MARCHF5: variants seen among roughly 807,000 people sequenced by gnomAD.
The protein encoded by MARCHF5 is membrane associated ring-CH-type finger 5, also known as E3 ubiquitin-protein ligase MARCHF5.
Under a neutral mutation model 36.5 loss-of-function variants are expected in MARCHF5, and 5 were observed. The observed-to-expected ratio is 0.14, with a 90% CI of 0.07 to 0.29. MARCHF5 has a LOEUF of 0.29. Ranked by LOEUF, MARCHF5 falls within the 10% of genes least tolerant of loss-of-function variation. The pLI is 1.00. For synonymous variants in MARCHF5, 103 were observed against 109.9 expected (o/e 0.94, Z 0.39); for missense variants, 179 against 336.3 (o/e 0.53, Z 3.66).
chr10:92,350,020 G>A (rs1306926672), intron 5 of MARCHF5, 183 bp downstream of exon 5: 6 of 571,460 alleles, frequency 1.0e-5, no homozygotes, highest in African/African-American at 9.5e-5. Flanking sequence ...CACTGCAGCA[G>A]TTCTGGCCTT....
At chr10:92,326,940 C>G (rs1454852039) in intron 2 of MARCHF5, among the ~76,000 whole-genome samples, 2 of 152,070 alleles carry the variant, frequency 1.3e-5, no homozygotes, top group East Asian at 3.9e-4. Context: ...AGTAAGTTTT[C>G]TTACTTGGTT....
At chr10:92,347,523 T>TAGATGATAGATAGATAGATA (rs58664499) in intron 3 of MARCHF5, among the ~76,000 whole-genome samples, 8 of 86,926 alleles carry the variant, frequency 9.2e-5, no homozygotes, top group South Asian at 3.6e-4. Context: ...GATAGATAGA[T>TAGATGATAGATAGATAGATA]GATAGATATA....
intron 2 of MARCHF5, among the ~76,000 whole-genome samples, chr10:92,314,988 TGTC>T (rs1347757237): frequency 1.3e-5 from 2 of 152,236 alleles, no homozygotes; most frequent in East Asian, 3.8e-4. Context: ...AGCCAGCTGT[TGTC>T]TGTAAATGAA....
At chr10:92,314,478 C>G (rs1021221904) in intron 2 of MARCHF5, among the ~76,000 whole-genome samples, 1 of 152,026 alleles carries the variant, frequency 6.6e-6, no homozygotes, top group South Asian at 2.1e-4. Context: ...CTTGTGTCTA[C>G]TAAAAATACA....
At chr10:92,335,069 A>G (rs1206842293) in intron 2 of MARCHF5, among the ~76,000 whole-genome samples, 1 of 152,216 alleles carries the variant, frequency 6.6e-6, no homozygotes, top group East Asian at 1.9e-4. Context: ...TAAAAATTCA[A>G]TAATACCTTT....
Position 92,351,084 on chromosome 10 carries a change from A to G in MARCHF5, c.721-7A>G. The G allele has an allele frequency of 6.5e-7, 1 of 1,528,760 alleles. No individual in the cohort carries two copies. Among genetic ancestry groups the G allele is most frequent in the South Asian group, 1.2e-5 (1 of 86,144 alleles). 94.7% of individuals were successfully genotyped at this position (1,528,760 alleles called of 1,614,324 possible). ...TTATAAAAAGCTAATTTTCCTTTTT[A>G]TTTTAGGGTGGAATTGCGTTTGTTG... On this transcript the variant is annotated splice_polypyrimidine_tract_variant and splice_region_variant and intron_variant, in intron 5 of 5. Transcript: ENST00000358935.
chr10:92,346,035 A>G (rs1471189048), intron 3 of MARCHF5, among the ~76,000 whole-genome samples: 1 of 152,170 alleles, frequency 6.6e-6, no homozygotes, highest in Non-Finnish European at 1.5e-5. Context: ...GACATTCTAT[A>G]TAATTCCTGG....
intron 1 of MARCHF5, among the ~76,000 whole-genome samples, chr10:92,306,882 T>C (rs1266199614): frequency 1.3e-5 from 2 of 152,024 alleles, no homozygotes; most frequent in African/African-American, 4.8e-5. Flanking sequence ...GGCGTGGTGG[T>C]GGATGCCTGT....
intron 2 of MARCHF5, among the ~76,000 whole-genome samples, chr10:92,322,811 C>T (rs1843306858): frequency 6.6e-6 from 1 of 151,382 alleles, no homozygotes; most frequent in Non-Finnish European, 1.5e-5. Flanking sequence ...GATCTCAGCT[C>T]ACTGCAACCT....
In MARCHF5 at chr10:92,311,180, T is replaced by A. The variant is rs777022739; in HGVS notation, c.81T>A (p.Ala27=). Residue 27 remains alanine (A), a synonymous_variant, in exon 2 of 6, where the codon GCT becomes GCA. Coordinates refer to ENST00000358935, the MANE Select transcript of MARCHF5 (RefSeq NM_017824.5). The stretch of plus-strand genomic sequence containing the variant: ...CTACTGATGAAGATGATAGAACAGC[T>A]GAATGGGTGAGACCATGCAGGTGCA... The part of the protein sequence containing the change: ...CFATDEDDRT[A]EWVRPCRCRG... The A allele has an allele frequency of 3.7e-6, 6 of 1,614,126 alleles. No individual in the cohort carries two copies. The highest frequency in any genetic ancestry group is 5.1e-6 in the Non-Finnish European group (6 of 1,180,000).
rs1034559560 is a variant in MARCHF5 at position 92,352,511 on chromosome 10, T to G, written c.*1304T>G. On this transcript the variant is annotated 3_prime_UTR_variant, in exon 6 of 6. Transcript: ENST00000358935. ...TAATGTTCAGCAACCTGAATGGTTA[T>G]TTTTGTTAATTAAAATTAAATTTTT... The G allele has an allele frequency of 6.6e-6, 1 of 152,222 alleles. No individual in the cohort carries two copies. Among genetic ancestry groups the G allele is most frequent in the African/African-American group, 2.4e-5 (1 of 41,458 alleles). 9.4% of individuals were successfully genotyped at this position (152,222 alleles called of 1,614,324 possible).
chr10:92,345,842 A>G (rs112092178), intron 3 of MARCHF5, among the ~76,000 whole-genome samples: 10,905 of 151,414 alleles, frequency 0.072, 1,297 homozygotes, highest in African/African-American at 0.25. Context: ...CTACATACAC[A>G]TGCCACCACG....
intron 1 of MARCHF5, among the ~76,000 whole-genome samples, chr10:92,299,188 C>G (rs1164148574): frequency 6.6e-6 from 1 of 152,118 alleles, no homozygotes; most frequent in Non-Finnish European, 1.5e-5. Flanking sequence ...TGTTGATTTT[C>G]CTTTTTCTAG....
At chr10:92,335,127 G>A (rs1366272460) in intron 2 of MARCHF5, among the ~76,000 whole-genome samples, 1 of 152,094 alleles carries the variant, frequency 6.6e-6, no homozygotes, top group Non-Finnish European at 1.5e-5. Context: ...AACTTGTAAG[G>A]TACATTTATT....
At chr10:92,333,250 T>C (rs1162049544) in intron 2 of MARCHF5, among the ~76,000 whole-genome samples, 2 of 151,152 alleles carry the variant, frequency 1.3e-5, no homozygotes, top group East Asian at 3.9e-4. Flanking sequence ...TCCCTTAAAA[T>C]GTCCATTTAA....
intron 1 of MARCHF5, 25 bp downstream of exon 1, chr10:92,291,554 G>A (rs1842864841): frequency 6.6e-7 from 1 of 1,526,214 alleles, no homozygotes; most frequent in Non-Finnish European, 8.8e-7. Context: ...GGGGGGGACC[G>A]GGAGCCGCCG....
At chr10:92,341,501 A>C (rs947852870) in intron 3 of MARCHF5, among the ~76,000 whole-genome samples, 1 of 152,170 alleles carries the variant, frequency 6.6e-6, no homozygotes, top group Non-Finnish European at 1.5e-5. Flanking sequence ...CTGCTGCTGA[A>C]TATTAGAGAG....
At chr10:92,302,922 T>C (rs1376890944) in intron 1 of MARCHF5, among the ~76,000 whole-genome samples, 2 of 152,224 alleles carry the variant, frequency 1.3e-5, no homozygotes, top group East Asian at 3.9e-4. Flanking sequence ...TATTCCACGC[T>C]TGCTTTCTAT....
chr10:92,292,507 A>C (rs918932224), intron 1 of MARCHF5, among the ~76,000 whole-genome samples: 1 of 152,196 alleles, frequency 6.6e-6, no homozygotes, highest in African/African-American at 2.4e-5. Flanking sequence ...CCCTCCCTTA[A>C]TTGAGTTTAT....
Sources: allele counts gnomAD v4.1 joint callset (sites outside exome capture counted in the v4.1 genomes callset), GRCh38; gene constraint gnomAD v4.1.1; transcripts MANE v1.5; gene names NCBI Gene and HGNC (gene_info 2026-07-23, HGNC 2026-07-21).